TNRC6A: variants seen among roughly 807,000 people sequenced by gnomAD.
TNRC6A encodes trinucleotide repeat-containing gene 6A protein.
Under a neutral mutation model 221.2 loss-of-function variants are expected in TNRC6A, and 44 were observed. That is an observed-to-expected ratio of 0.20 (90% CI 0.16 to 0.26). The LOEUF is 0.26. Among genes scored for constraint, TNRC6A ranks in the 10% least tolerant of loss-of-function variants. The probability of loss-of-function intolerance (pLI) is 1.00; values close to 1 mark genes in which losing one functional copy is unlikely to be tolerated. For missense variants in TNRC6A, 2,199 were observed against 2,404.4 expected (o/e 0.91, Z 1.79); for synonymous variants, 847 against 838.5 (o/e 1.01, Z -0.18).
At chr16:24,635,475 G>A (rs1901592593) in intron 1 of TNRC6A, among the ~76,000 whole-genome samples, 1 of 151,924 alleles carries the variant, frequency 6.6e-6, no homozygotes, top group African/African-American at 2.4e-5. Flanking sequence ...TACAGACAGG[G>A]TTTCACCATG....
intron 1 of TNRC6A, among the ~76,000 whole-genome samples, chr16:24,638,198 A>C (rs1376563168): frequency 6.6e-6 from 1 of 151,198 alleles, no homozygotes; most frequent in Non-Finnish European, 1.5e-5. Flanking sequence ...CAGGAGGATC[A>C]CTTAAGCCTA....
intron 4 of TNRC6A, among the ~76,000 whole-genome samples, chr16:24,761,073 T>TA (rs1277862854): frequency 3.3e-5 from 5 of 152,208 alleles, no homozygotes; most frequent in Non-Finnish European, 7.3e-5. Context: ...CTGCTTCTCT[T>TA]ACAGTTCATA....
chr16:24,702,626 C>A (rs1331024663), intron 2 of TNRC6A, among the ~76,000 whole-genome samples: 2 of 152,066 alleles, frequency 1.3e-5, no homozygotes, highest in African/African-American at 4.8e-5. Context: ...TTAAAATATA[C>A]AATTTGGCTG....
At chr16:24,784,558 C>T (rs984247505) in intron 5 of TNRC6A, among the ~76,000 whole-genome samples, 1 of 152,120 alleles carries the variant, frequency 6.6e-6, no homozygotes, top group African/African-American at 2.4e-5. Context: ...CTGGACCCAA[C>T]CAATATTCCC....
chr16:24,686,127 C>G (rs1312434374), intron 2 of TNRC6A, among the ~76,000 whole-genome samples: 1 of 152,160 alleles, frequency 6.6e-6, no homozygotes, highest in Non-Finnish European at 1.5e-5. Flanking sequence ...TTATTTTCCC[C>G]TGTGTCTGGA....
At chr16:24,797,460 G>T in intron 9 of TNRC6A, 30 bp from the exon 10 acceptor site, 8 of 1,544,024 alleles carry the variant, frequency 5.2e-6, no homozygotes, top group South Asian at 1.2e-5. Flanking sequence ...GATGGCCATG[G>T]CATCTTTTCT....
intron 2 of TNRC6A, among the ~76,000 whole-genome samples, chr16:24,680,528 C>G (rs1021380992): frequency 6.6e-6 from 1 of 151,764 alleles, no homozygotes; most frequent in Non-Finnish European, 1.5e-5. Context: ...ACCAGCCTCA[C>G]CAACATAGTG....
chr16:24,758,836 C>T (rs953831914), intron 4 of TNRC6A, among the ~76,000 whole-genome samples: 1 of 151,932 alleles, frequency 6.6e-6, no homozygotes, highest in Non-Finnish European at 1.5e-5. Context: ...GATTGCAAAC[C>T]TTACACATTG....
At chr16:24,812,983 C>A (rs1422882864) in intron 18 of TNRC6A, among the ~76,000 whole-genome samples, 1 of 149,334 alleles carries the variant, frequency 6.7e-6, no homozygotes, top group African/African-American at 2.5e-5. Context: ...TCAGATGACC[C>A]CCCCACCTCA....
intron 2 of TNRC6A, among the ~76,000 whole-genome samples, chr16:24,712,712 A>G (rs940859267): frequency 1.4e-4 from 21 of 152,112 alleles, no homozygotes; most frequent in Admixed American, 1.2e-3. Context: ...GCTGGTGACC[A>G]TTCCTTCAGA....
intron 2 of TNRC6A, among the ~76,000 whole-genome samples, chr16:24,714,432 C>A (rs1318629814): frequency 6.6e-6 from 1 of 151,200 alleles, no homozygotes; most frequent in African/African-American, 2.4e-5. Context: ...CCTCAGCCTC[C>A]CGAGTAGCTG....
Position 24,824,986 on chromosome 16 carries a change from A to T in TNRC6A, c.*1179A>T, listed in dbSNP as rs1357201992. The T allele has an allele frequency of 1.3e-5, 2 of 152,606 alleles. No homozygotes were observed. The highest frequency in any genetic ancestry group is 2.9e-5 in the Non-Finnish European group (2 of 68,038). 9.5% of individuals were successfully genotyped at this position (152,606 alleles called of 1,614,324 possible). Reference sequence around the variant, plus strand: ...ATGGTTTGCTAATAATCAATAGGTAATAATTTTTTGTAATCCCATCAAGTG... The same window carrying T: ...ATGGTTTGCTAATAATCAATAGGTATTAATTTTTTGTAATCCCATCAAGTG... On this transcript the variant is annotated 3_prime_UTR_variant, in exon 25 of 25. Coordinates refer to ENST00000395799, the MANE Select transcript of TNRC6A (RefSeq NM_014494.4).
chr16:24,681,897 A>G (rs1178452458), intron 2 of TNRC6A, among the ~76,000 whole-genome samples: 2 of 152,214 alleles, frequency 1.3e-5, no homozygotes, highest in Non-Finnish European at 2.9e-5. Context: ...AAAGGGATGC[A>G]TATTTTAAAA....
chr16:24,808,338 G>A (rs987707258), intron 17 of TNRC6A, among the ~76,000 whole-genome samples: 1 of 152,220 alleles, frequency 6.6e-6, no homozygotes, highest in Admixed American at 6.5e-5. Flanking sequence ...TACCAATACA[G>A]TTATCTAAGT....
At chr16:24,724,160 T>C (rs1176713391) in intron 2 of TNRC6A, among the ~76,000 whole-genome samples, 2 of 152,228 alleles carry the variant, frequency 1.3e-5, no homozygotes, top group Non-Finnish European at 2.9e-5. Flanking sequence ...AAACATTTGT[T>C]ATCAAAAGGG....
upstream of TNRC6A, among the ~76,000 whole-genome samples, chr16:24,728,239 G>A (rs2056526120): frequency 3.9e-5 from 6 of 152,148 alleles, no homozygotes; most frequent in Admixed American, 3.9e-4. Flanking sequence ...CCTGAGGTCA[G>A]GAGTTCAAGA....
At chr16:24,664,809 A>ACG (rs1259816995) in intron 2 of TNRC6A, 2 of 445,640 alleles carry the variant, frequency 4.5e-6, no homozygotes, top group African/African-American at 4.2e-5. Context: ...ACACACACAC[A>ACG]CACAAAACCT....
intron 2 of TNRC6A, among the ~76,000 whole-genome samples, chr16:24,736,474 C>T (rs957805201): frequency 6.6e-6 from 1 of 152,034 alleles, no homozygotes; most frequent in African/African-American, 2.4e-5. Context: ...TTGCTGTATC[C>T]TGGGTTGCAT....
chr16:24,681,030 A>C (rs1057331622), intron 2 of TNRC6A, among the ~76,000 whole-genome samples: 5 of 150,856 alleles, frequency 3.3e-5, no homozygotes, highest in Non-Finnish European at 5.9e-5. Context: ...CAGCCTCCCA[A>C]AGTGCTTAGA....
Sources: allele counts gnomAD v4.1 joint callset (sites outside exome capture counted in the v4.1 genomes callset), GRCh38; gene constraint gnomAD v4.1.1; transcripts MANE v1.5; gene names NCBI Gene and HGNC (gene_info 2026-07-23, HGNC 2026-07-21).